WDR72: variants seen among roughly 807,000 people sequenced by gnomAD.
The protein encoded by WDR72 is WD repeat-containing protein 72.
A neutral mutation model predicts 124.2 loss-of-function variants in WDR72; 120 were observed. The observed-to-expected ratio is 0.97, with a 90% confidence interval of 0.83 to 1.12. The LOEUF is 1.12. WDR72 is among the 50% of genes most tolerant of loss of function. WDR72 has a pLI of 0.00. For synonymous variants in WDR72, 452 were observed against 441.7 expected (o/e 1.02, Z -0.29); for missense variants, 1,387 against 1,278.8 (o/e 1.08, Z -1.29).
chr15:53,677,879 T>C (rs1443795426), intron 13 of WDR72, among the ~76,000 whole-genome samples: 4 of 152,194 alleles, frequency 2.6e-5, no homozygotes, highest in Non-Finnish European at 5.9e-5. Context: ...TATTTTTAAG[T>C]GCCATTTAAT....
At chr15:53,740,379 C>A (rs748877380) in intron 1 of WDR72, among the ~76,000 whole-genome samples, 2 of 150,684 alleles carry the variant, frequency 1.3e-5, no homozygotes, top group Non-Finnish European at 2.9e-5. Flanking sequence ...GCGATCTCAG[C>A]TCACTGTAAG....
At chr15:53,562,927 T>A (rs1894175710) in intron 18 of WDR72, among the ~76,000 whole-genome samples, 1 of 151,844 alleles carries the variant, frequency 6.6e-6, no homozygotes, top group African/African-American at 2.4e-5. Flanking sequence ...TTCTCTAAGT[T>A]ACTTAAATCA....
chr15:53,589,916 C>T (rs1370611824), intron 18 of WDR72, among the ~76,000 whole-genome samples: 1 of 151,908 alleles, frequency 6.6e-6, no homozygotes, highest in Non-Finnish European at 1.5e-5. Context: ...ACAGAGAGGG[C>T]AGAAACAGTA....
chr15:53,609,689 G>GT (rs142845992), intron 16 of WDR72, 97 bp from the exon 17 acceptor site: 82,960 of 1,027,298 alleles, frequency 0.081, 5,788 homozygotes, highest in African/African-American at 0.31. Flanking sequence ...GGGAAGCTTT[G>GT]TTTTTTATAA....
At chr15:53,547,411 C>G (rs765183535) in intron 18 of WDR72, among the ~76,000 whole-genome samples, 3 of 152,144 alleles carry the variant, frequency 2.0e-5, no homozygotes, top group African/African-American at 4.8e-5. Context: ...GAATTAGAAG[C>G]GTGAGCCACC....
At chr15:53,548,969 T>G (rs1351986994) in intron 18 of WDR72, among the ~76,000 whole-genome samples, 2 of 152,146 alleles carry the variant, frequency 1.3e-5, no homozygotes, top group Non-Finnish European at 2.9e-5. Context: ...CTGGAGAAAT[T>G]TACAGAAGAA....
At chr15:53,761,837 C>CAATCAAACAAAAAG (rs56685517), upstream of WDR72, among the ~76,000 whole-genome samples, 1 of 151,902 alleles carries the variant, frequency 6.6e-6, no homozygotes, top group Non-Finnish European at 1.5e-5. Flanking sequence ...AAAACAAAAA[C>CAATCAAACAAAAAG]CCAAAGCAGA....
At chr15:53,611,172 T>A (rs1414831637) in intron 16 of WDR72, among the ~76,000 whole-genome samples, 2 of 152,146 alleles carry the variant, frequency 1.3e-5, no homozygotes, top group African/African-American at 4.8e-5. Context: ...AGTATTATTT[T>A]TATTCTTTAG....
chr15:53,650,966 T>C (rs2015217888), intron 14 of WDR72, among the ~76,000 whole-genome samples: 1 of 148,088 alleles, frequency 6.8e-6, no homozygotes, highest in South Asian at 2.2e-4. Context: ...ATCATGTTAC[T>C]CCTTTTGAGT....
intron 2 of WDR72, among the ~76,000 whole-genome samples, chr15:53,732,022 T>C (rs2018216981): frequency 6.6e-6 from 1 of 152,146 alleles, no homozygotes; most frequent in Non-Finnish European, 1.5e-5. Flanking sequence ...GAAGTTTGTG[T>C]TTAAACTATA....
chr15:53,652,276 T>C (rs534833036), intron 14 of WDR72, among the ~76,000 whole-genome samples: 1 of 152,168 alleles, frequency 6.6e-6, no homozygotes, highest in East Asian at 1.9e-4. Flanking sequence ...ACAAATCCTA[T>C]GAAGCTCAGT....
At chr15:53,742,974 C>T (rs2018548426) in intron 1 of WDR72, among the ~76,000 whole-genome samples, 1 of 152,056 alleles carries the variant, frequency 6.6e-6, no homozygotes, top group Non-Finnish European at 1.5e-5. Flanking sequence ...TTAAGTAACT[C>T]TCAAATAATT....
chr15:53,732,116 G>C (rs1338330890), intron 2 of WDR72, among the ~76,000 whole-genome samples: 1 of 152,116 alleles, frequency 6.6e-6, no homozygotes, highest in Non-Finnish European at 1.5e-5. Context: ...CTTCCTTCAA[G>C]AACGTTCATT....
intron 11 of WDR72, among the ~76,000 whole-genome samples, chr15:53,703,013 G>A (rs564815151): frequency 2.0e-4 from 31 of 151,630 alleles, no homozygotes; most frequent in African/African-American, 4.8e-4. Context: ...CCCTGGGCTC[G>A]GATGATCCTT....
At chr15:53,548,686 C>A (rs182779630) in intron 18 of WDR72, among the ~76,000 whole-genome samples, 1 of 150,526 alleles carries the variant, frequency 6.6e-6, no homozygotes, top group African/African-American at 2.5e-5. Context: ...GGAACTATAG[C>A]ATGATTATAA....
intron 14 of WDR72, among the ~76,000 whole-genome samples, chr15:53,629,263 GAA>G (rs770021484): frequency 8.9e-4 from 135 of 151,906 alleles, no homozygotes; most frequent in Non-Finnish European, 1.5e-3. Context: ...AAACCCAAGA[GAA>G]AAAATTTTTC....
intron 2 of WDR72, 42 bp from the exon 3 acceptor site, chr15:53,722,950 T>C (rs1396531821): frequency 6.4e-7 from 1 of 1,552,220 alleles, no homozygotes; most frequent in Non-Finnish European, 8.9e-7. Flanking sequence ...TTGTAAACTG[T>C]TTGAAGAATA....
intron 5 of WDR72, among the ~76,000 whole-genome samples, 160 bp from the exon 6 acceptor site, chr15:53,714,670 G>A (rs571281174): frequency 5.3e-5 from 8 of 152,128 alleles, no homozygotes; most frequent in South Asian, 4.2e-4. Context: ...ATTTTACATC[G>A]TGCTCCAAAT....
chr15:53,681,348 G>A (rs572191655), intron 13 of WDR72, among the ~76,000 whole-genome samples: 4 of 152,122 alleles, frequency 2.6e-5, no homozygotes, highest in South Asian at 2.1e-4. Flanking sequence ...ACCCACTAAC[G>A]TTCCAAGTGT....
Sources: allele counts gnomAD v4.1 joint callset (sites outside exome capture counted in the v4.1 genomes callset), GRCh38; gene constraint gnomAD v4.1.1; transcripts MANE v1.5; gene names NCBI Gene and HGNC (gene_info 2026-07-23, HGNC 2026-07-21).